Variants in ANO3 observed in about 807,000 individuals in gnomAD.
ANO3 encodes the protein anoctamin 3.
Under a neutral mutation model 144.8 loss-of-function variants are expected in ANO3, and 99 were observed. That is an observed-to-expected ratio of 0.68 (90% CI 0.58 to 0.81). The LOEUF is 0.81. Ranked by LOEUF, ANO3 falls within the 30% of genes least tolerant of loss-of-function variation. The pLI, the probability that ANO3 is intolerant of heterozygous loss-of-function variation, is 0.00. For missense variants in ANO3, 905 were observed against 1,202.2 expected (o/e 0.75, Z 3.66); for synonymous variants, 414 against 392.6 (o/e 1.05, Z -0.64).
intron 1 of ANO3, among the ~76,000 whole-genome samples, chr11:26,288,583 AC>A (rs1853862576): frequency 6.6e-6 from 1 of 152,050 alleles, no homozygotes; most frequent in African/African-American, 2.4e-5. Flanking sequence ...AAATAGGTAT[AC>A]TTCCGGTGGC....
chr11:26,228,443 T>C (rs1316272401), intron 1 of ANO3, among the ~76,000 whole-genome samples: 1 of 152,258 alleles, frequency 6.6e-6, no homozygotes, highest in Non-Finnish European at 1.5e-5. Flanking sequence ...TATTTTCTGC[T>C]TTCTCAGTCC....
chr11:26,318,467 A>G (rs112153678), intron 1 of ANO3, among the ~76,000 whole-genome samples: 3 of 152,348 alleles, frequency 2.0e-5, no homozygotes, highest in Non-Finnish European at 2.9e-5. Flanking sequence ...ATCACCATCC[A>G]AAAGGTACAA....
At chr11:26,312,414 T>TG (rs1225221696) in intron 1 of ANO3, among the ~76,000 whole-genome samples, 1 of 152,182 alleles carries the variant, frequency 6.6e-6, no homozygotes, top group Non-Finnish European at 1.5e-5. Flanking sequence ...CTTGAGGAAT[T>TG]GCCACATTGT....
At chr11:26,561,254 C>T (rs200184892) in intron 14 of ANO3, 1 of 1,538,922 alleles carries the variant, frequency 6.5e-7, no homozygotes, top group Non-Finnish European at 8.8e-7. Flanking sequence ...AATACTGTTT[C>T]ACAGTGATAC....
intron 10 of ANO3, among the ~76,000 whole-genome samples, chr11:26,541,299 G>A (rs188455890): frequency 4.6e-5 from 7 of 152,056 alleles, no homozygotes; most frequent in Non-Finnish European, 8.8e-5. Flanking sequence ...CAGTTCGCGG[G>A]TGGGGAGGTA....
At chr11:26,310,055 C>G (rs1300765366) in intron 1 of ANO3, among the ~76,000 whole-genome samples, 1 of 152,024 alleles carries the variant, frequency 6.6e-6, no homozygotes, top group East Asian at 1.9e-4. Flanking sequence ...AATTAATCAG[C>G]AAAAGGCCCT....
At chr11:26,415,621 T>C (rs552240207) in intron 1 of ANO3, among the ~76,000 whole-genome samples, 1 of 152,182 alleles carries the variant, frequency 6.6e-6, no homozygotes, top group Admixed American at 6.5e-5. Flanking sequence ...TATTGTTCCA[T>C]TTTCCTTTTT....
chr11:26,269,011 G>A (rs985286867), intron 1 of ANO3, among the ~76,000 whole-genome samples: 1 of 152,160 alleles, frequency 6.6e-6, no homozygotes, highest in East Asian at 1.9e-4. Flanking sequence ...GAAACATTGA[G>A]TTATTGAGGA....
chr11:26,298,701 G>A (rs12221868), intron 1 of ANO3, among the ~76,000 whole-genome samples: 20,472 of 152,110 alleles, frequency 0.13, 3,469 homozygotes, highest in African/African-American at 0.4. Context: ...CAATGGAGAC[G>A]GTGGCAAGAC....
rs1554967702 is a variant in ANO3 at position 26,544,273 on chromosome 11, T to TACACAC, written c.1154+2207_1154+2212dup. Among the ~76,000 whole-genome samples, 6 of 58,550 alleles carry TACACAC rather than the reference T, an allele frequency of 1.0e-4. No homozygotes were observed. In the East Asian group the frequency reaches 4.6e-3, roughly 45 times the overall value. 38.4% of individuals were successfully genotyped at this position (58,550 alleles called of 152,430 possible). ...ATACATATATATATATATATATATA[T>TACACAC]ACACACATACACACACACACACACA... On this transcript the variant is annotated intron_variant, in intron 11 of 26. Coordinates refer to ENST00000256737, the MANE Select transcript of ANO3 (RefSeq NM_031418.4).
intron 14 of ANO3, 72 bp downstream of exon 14, chr11:26,559,851 C>CACAT (rs1554969845): frequency 9.2e-6 from 8 of 868,742 alleles, no homozygotes; most frequent in African/African-American, 5.1e-5. Context: ...CACACACACA[C>CACAT]ACACACACAC....
chr11:26,369,297 C>A (rs1856183081), intron 1 of ANO3, among the ~76,000 whole-genome samples: 1 of 152,068 alleles, frequency 6.6e-6, no homozygotes, highest in Non-Finnish European at 1.5e-5. Flanking sequence ...AAATCAATGC[C>A]ATCTGGAAAC....
chr11:26,402,374 A>C (rs1438061822), intron 1 of ANO3, among the ~76,000 whole-genome samples: 2 of 151,922 alleles, frequency 1.3e-5, no homozygotes, highest in African/African-American at 2.4e-5. Context: ...TTTGATTTGC[A>C]TTTCTCTAAT....
In ANO3 at chr11:26,634,988, A is replaced by G. The variant is rs1044526957; in HGVS notation, c.1986-25A>G. ...CTTCAGTGAACCCCACTTAAATGCT[A>G]ATGAACTAAAATGTCTTCTTACAGA... On this transcript the variant is annotated intron_variant, in intron 19 of 26. Transcript: ENST00000256737. The G allele has an allele frequency of 5.0e-6, 8 of 1,599,488 alleles. No individual in the cohort carries two copies. The African/African-American group carries it at 1.1e-4, about 21-fold the overall frequency.
intron 14 of ANO3, among the ~76,000 whole-genome samples, chr11:26,586,501 A>ATTTTTTT (rs1281089936): frequency 1.0e-4 from 4 of 40,014 alleles, no homozygotes; most frequent in Admixed American, 3.0e-4. Flanking sequence ...CCTGGTGAGA[A>ATTTTTTT]TCTTTTTTTT....
At chr11:26,387,196 A>C (rs574489607) in intron 1 of ANO3, among the ~76,000 whole-genome samples, 9 of 148,866 alleles carry the variant, frequency 6.0e-5, no homozygotes, top group Non-Finnish European at 1.2e-4. Flanking sequence ...CTGGTCTGGA[A>C]CACCTGACCT....
intron 26 of ANO3, 122 bp downstream of exon 26, chr11:26,656,603 AG>A (rs1853697393): frequency 1.5e-6 from 1 of 667,522 alleles, no homozygotes; most frequent in Non-Finnish European, 2.6e-6. Context: ...GTCCCGTAAA[AG>A]GCTTTAATAC....
At chr11:26,326,179 A>G (rs2133883045) in intron 1 of ANO3, among the ~76,000 whole-genome samples, 1 of 152,278 alleles carries the variant, frequency 6.6e-6, no homozygotes, top group South Asian at 2.1e-4. Flanking sequence ...TTATAACATA[A>G]ATAATGCATA....
chr11:26,209,125 C>T (rs1488295157), intron 1 of ANO3, among the ~76,000 whole-genome samples: 2 of 152,152 alleles, frequency 1.3e-5, no homozygotes, highest in African/African-American at 2.4e-5. Context: ...AGGTATTTCT[C>T]CTAATGCTAT....
Sources: gnomAD v4.1 joint callset for allele counts (sites outside exome capture counted in the v4.1 genomes callset) on GRCh38, gnomAD v4.1.1 for gene constraint, MANE v1.5 for transcripts, NCBI Gene and HGNC (gene_info 2026-07-23, HGNC 2026-07-21) for gene names.